The following PPFIA4 variants were observed in gnomAD, a reference collection of about 807,000 sequenced individuals.
The protein encoded by PPFIA4 is PPFI scaffold protein A4.
Under a neutral mutation model 145.7 loss-of-function variants are expected in PPFIA4, and 98 were observed. The ratio of observed to expected loss-of-function variants is 0.67; its 90% CI spans 0.57 to 0.80. The LOEUF (loss-of-function observed/expected upper bound fraction) is 0.80, where lower values mean the gene tolerates loss of function less well. PPFIA4 is among the 30% of genes least tolerant of loss of function. The pLI, the probability that PPFIA4 is intolerant of heterozygous loss-of-function variation, is 0.00. For missense variants in PPFIA4, 1,457 were observed against 1,632.7 expected, an observed-to-expected ratio of 0.89 and a Z score of 1.85; for synonymous variants, 628 against 649.6, an observed-to-expected ratio of 0.97 and a Z score of 0.51.
chr1:203,043,562 T>G lies in PPFIA4; in HGVS notation c.336+64T>G. ...TGTGTGTGTGTGTATGGGGGTGTGT[T>G]GTGAACACCTTGACCAAGAGAGCAG... On this transcript the variant is annotated intron_variant, in intron 3 of 29. Transcript: ENST00000295706. The surrounding 1 kb of genome is among the most constrained non-coding windows in gnomAD (Gnocchi z 4.4). The G allele has an allele frequency of 7.0e-7, 1 of 1,422,850 alleles. No homozygotes were observed. Among genetic ancestry groups the G allele is most frequent in the South Asian group, 1.2e-5 (1 of 81,540 alleles). The allele number at this position is 1,422,850 out of a possible 1,614,324, so 88.1% of individuals were successfully genotyped here.
intron 21 of PPFIA4, 73 bp downstream of exon 21, chr1:203,059,924 T>A: frequency 1.6e-6 from 2 of 1,259,052 alleles, no homozygotes. Context: ...AGGGGTGGTG[T>A]CCTAGAACTT....
chr1:203,060,797 C>G lies in PPFIA4; in HGVS notation c.2785-173C>G, dbSNP rs1411597643. Among the ~76,000 whole-genome samples the G allele has an allele frequency of 1.9e-4, 29 of 152,224 alleles. No homozygotes were observed. The highest frequency in any genetic ancestry group is 1.9e-3 in the Admixed American group (29 of 15,286). ...CTCTAACACAAGAATGCGGACTGCT[C>G]TGTGGGCCCCTGGGGTGGAGTCTTT... On this transcript the variant is annotated intron_variant, in intron 22 of 29. Coordinates refer to ENST00000295706, the MANE Select transcript of PPFIA4 (RefSeq NM_001304331.2). This position sits in a 1 kb window ranked among gnomAD's most constrained non-coding sequence, Gnocchi z 4.8.
intron 25 of PPFIA4, 127 bp downstream of exon 25, chr1:203,064,130 C>T (rs1661578746): frequency 4.0e-6 from 4 of 1,006,002 alleles, no homozygotes; most frequent in Non-Finnish European, 5.6e-6. Context: ...AACAGGTCTC[C>T]CCCTTGGGAA....
Position 203,048,646 on chromosome 1 carries a change from C to T in PPFIA4, c.1288C>T (p.Leu430=). The T allele has an allele frequency of 1.9e-6, 3 of 1,605,874 alleles. No homozygotes were observed. The highest frequency in any genetic ancestry group is 1.7e-6 in the Non-Finnish European group (2 of 1,177,170). Residue 430 remains leucine (L), a synonymous_variant, in exon 11 of 30, where the codon CTG becomes TTG. Coordinates refer to ENST00000295706, the MANE Select transcript of PPFIA4 (RefSeq NM_001304331.2). The surrounding 1 kb of genome is among the most constrained non-coding windows in gnomAD (Gnocchi z 5.8). ...GCGGCTGTCGGACACAGTGGACCGG[C>T]TGCTCAGCGAGTCCAACGAGCGTCT... ...NKRLSDTVDR[L]LSESNERLQL...
At chr1:203,051,742 CTT>C (rs1324582203) in intron 13 of PPFIA4, 25 bp from the exon 14 acceptor site, 1 of 1,591,092 alleles carries the variant, frequency 6.3e-7, no homozygotes, top group Admixed American at 1.8e-5. Context: ...CAGGGCCTGT[CTT>C]TTCTCTCCCC....
rs1659522817 is a variant in PPFIA4, at chr1:203,039,227, C to T, written c.219C>T (p.Asn73=). The change falls in exon 2 of 30, where the codon AAC becomes AAT. Residue 73 remains asparagine, a synonymous_variant. Transcript: ENST00000295706. ...HERDQLQRHL[N]SALPQEFATL... The stretch of plus-strand genomic sequence containing the variant: ...GGGACCAGCTCCAGCGCCACCTTAA[C>T]TCCGCCCTCCCCCAGGTAAGGCCCG... 2.5e-6 allele frequency: 4 copies of T among 1,591,148 alleles called. No homozygotes were observed. Among genetic ancestry groups the T allele is most frequent in the Non-Finnish European group, 3.4e-6 (4 of 1,169,778 alleles).
At chr1:203,067,356 C>T in intron 25 of PPFIA4, 1 of 272,204 alleles carries the variant, frequency 3.7e-6, no homozygotes, top group Non-Finnish European at 7.1e-6. Flanking sequence ...CTTGTTTTTG[C>T]TTTTCCTTCC....
In PPFIA4 at chr1:203,076,698, T is replaced by G; in HGVS notation, c.*308T>G. On this transcript the variant is annotated 3_prime_UTR_variant, in exon 30 of 30. Coordinates refer to ENST00000295706, the MANE Select transcript of PPFIA4 (RefSeq NM_001304331.2). ...GCTCAGGGTGGATGTGAAGCCACCC[T>G]TCCTCTTCTGGACCCAGCCTGGTCT... 2.2e-6 allele frequency: 1 copy of G among 451,022 alleles called. No homozygotes were observed. The highest frequency in any genetic ancestry group is 4.4e-5 in the East Asian group (1 of 22,960). 27.9% of individuals were successfully genotyped at this position (451,022 alleles called of 1,614,324 possible).
At position 203,043,494 on chromosome 1, in the gene PPFIA4, C is replaced by G. The variant is rs780808640; in HGVS notation, c.332C>G (p.Thr111Arg). Residue 111 changes from threonine (T) to arginine (R), a missense_variant, in exon 3 of 30, where the codon ACA (threonine) becomes AGA (arginine). By Grantham distance (71) the Thr-to-Arg change is moderately conservative. This residue lies in a region of PPFIA4 where 463 missense variants were observed against 459.8 expected (regional missense o/e 1.01). Coordinates refer to ENST00000295706, the MANE Select transcript of PPFIA4 (RefSeq NM_001304331.2). The surrounding 1 kb of genome is among the most constrained non-coding windows in gnomAD (Gnocchi z 4.4). ...GAACTGAAAGCAGAACGGAATAACA[C>G]ACGGGTAAGTGGGGATGACCTTGTG... ...ISELKAERNN[T>R]RLLLEHLECL... The G allele has an allele frequency of 1.9e-6, 3 of 1,606,586 alleles. No individual in the cohort carries two copies. The Admixed American group carries it at 5.1e-5, about 27-fold the overall frequency.
Position 203,056,357 on chromosome 1 carries a change from G to A in PPFIA4, c.2107-18G>A. 2 of 1,612,890 alleles carry A rather than the reference G, an allele frequency of 1.2e-6. No individual in the cohort carries two copies. The highest frequency in any genetic ancestry group is 1.7e-6 in the Non-Finnish European group (2 of 1,179,342). On this transcript the variant is annotated intron_variant, in intron 17 of 29. Coordinates refer to ENST00000295706, the MANE Select transcript of PPFIA4 (RefSeq NM_001304331.2). ...AGATCTCTCCCTCTATCCCCTGACGGCTCCACTGTCTGTTCAGTCGCCAGT... is the reference window on the plus strand; with the variant it reads ...AGATCTCTCCCTCTATCCCCTGACGACTCCACTGTCTGTTCAGTCGCCAGT...
In PPFIA4 at chr1:203,039,091, A is replaced by G. The variant is rs1174098890; in HGVS notation, c.83A>G (p.Gln28Arg). The change falls in exon 2 of 30, where the codon CAG (glutamine) becomes CGG (arginine). Residue 28 changes from glutamine (Q) to arginine (R), a missense_variant. Around this residue, in one of 3 missense-constraint regions of PPFIA4, gnomAD observed 463 missense variants for 459.8 expected, o/e 1.01. Coordinates refer to ENST00000295706, the MANE Select transcript of PPFIA4 (RefSeq NM_001304331.2). ...HGADADANFEQLMVNMLDERE... is the reference protein window; with the variant it reads ...HGADADANFERLMVNMLDERE... ...GCCGATGCTGACGCCAACTTCGAGC[A>G]GCTGATGGTGAACATGCTGGACGAG... 6.2e-7 allele frequency: 1 copy of G among 1,607,722 alleles called. No homozygotes were observed. Among genetic ancestry groups the G allele is most frequent in the South Asian group, 1.1e-5 (1 of 90,152 alleles).
At position 203,068,767 on chromosome 1, in the gene PPFIA4, A is replaced by G. The variant is rs765098285; in HGVS notation, c.3324+139A>G. On this transcript the variant is annotated intron_variant, in intron 27 of 29. Coordinates refer to ENST00000295706, the MANE Select transcript of PPFIA4 (RefSeq NM_001304331.2). This position sits in a 1 kb window ranked among gnomAD's most constrained non-coding sequence, Gnocchi z 4.7. ...AGGGCCTATGCCAGAGGGGATCGCA[A>G]TGTCCTCAATTCTCCAAGTGATCGC... The G allele has an allele frequency of 3.0e-5, 26 of 869,042 alleles. No homozygotes were observed. The highest frequency in any genetic ancestry group is 4.8e-5 in the South Asian group (2 of 41,628). 53.8% of individuals were successfully genotyped at this position (869,042 alleles called of 1,614,324 possible). A position where few individuals can be genotyped will look rare whatever the true frequency, so the allele number is the denominator to read the frequency against.
Position 203,068,603 on chromosome 1 carries a change from T to C in PPFIA4, c.3299T>C (p.Leu1100Pro). Reference sequence around the variant, plus strand: ...GACCACAACACACTGGCCCTGATCCTCCAGATCCCCACACAGAACACCCAG... The same window carrying C: ...GACCACAACACACTGGCCCTGATCCCCCAGATCCCCACACAGAACACCCAG... ...NFDHNTLALI[L>P]QIPTQNTQAR... The change falls in exon 27 of 30, where the codon CTC (leucine) becomes CCC (proline). Residue 1100 changes from leucine (L) to proline (P), a missense_variant. Leu to Pro is a moderately conservative substitution (Grantham distance 98, BLOSUM62 -3). This residue lies in a region of PPFIA4 where 848 missense variants were observed against 1,046.7 expected (regional missense o/e 0.81). Transcript: ENST00000295706. This position sits in a 1 kb window ranked among gnomAD's most constrained non-coding sequence, Gnocchi z 4.7. The C allele has an allele frequency of 6.4e-7, 1 of 1,561,982 alleles. No homozygotes were observed. The highest frequency in any genetic ancestry group is 8.6e-7 in the Non-Finnish European group (1 of 1,156,788).
chr1:203,076,373 T>C lies in PPFIA4; in HGVS notation c.3607T>C (p.Ser1203Pro). The C allele has an allele frequency of 6.2e-7, 1 of 1,608,178 alleles. No homozygotes were observed. The highest frequency in any genetic ancestry group is 8.5e-7 in the Non-Finnish European group (1 of 1,179,828). ...CCACTATCTCTACGGACACATGCTC[T>C]CCGCCTTCCGGGACTAGCCATGGCC... ...HSHYLYGHML[S>P]AFRD The change falls in exon 30 of 30, where the codon TCC (serine) becomes CCC (proline). Residue 1203 changes from serine (S) to proline (P), a missense_variant. Physicochemically the swap from Ser to Pro is moderately conservative, Grantham distance 74 (BLOSUM62 -1). Around this residue, in one of 3 missense-constraint regions of PPFIA4, gnomAD observed 146 missense variants for 126.2 expected, o/e 1.16. Transcript: ENST00000295706.
At chr1:203,045,741 C>T in intron 7 of PPFIA4, 100 bp from the exon 8 acceptor site, 1 of 1,565,884 alleles carries the variant, frequency 6.4e-7, no homozygotes, top group Non-Finnish European at 8.7e-7. Flanking sequence ...GCTCATGCCC[C>T]TTAATGGGTT....
chr1:203,040,939 T>C (rs10753932), intron 2 of PPFIA4, among the ~76,000 whole-genome samples: 108,346 of 152,174 alleles, frequency 0.71, 39,585 homozygotes, highest in East Asian at 0.82. Flanking sequence ...TCCCCAGTGA[T>C]CTGCACAGGA....
At chr1:203,045,001 C>T (rs141114917) in intron 6 of PPFIA4, among the ~76,000 whole-genome samples, 155 of 152,264 alleles carry the variant, frequency 1.0e-3, no homozygotes, top group Middle Eastern at 6.8e-3. Flanking sequence ...GCACATCATA[C>T]GCTTGTCTGC....
intron 25 of PPFIA4, chr1:203,067,338 A>C (rs1360841232): frequency 4.0e-6 from 1 of 247,812 alleles, no homozygotes; most frequent in Non-Finnish European, 7.9e-6. Context: ...AGGGATACAA[A>C]GGGGTATCTT....
At chr1:203,047,410 G>A (rs550676334) in intron 9 of PPFIA4, among the ~76,000 whole-genome samples, 4 of 152,340 alleles carry the variant, frequency 2.6e-5, no homozygotes, top group Admixed American at 2.0e-4. Context: ...GGGCTGCTGA[G>A]CAGTCAGCCT....
Sources: gnomAD v4.1 joint callset for allele counts (sites outside exome capture counted in the v4.1 genomes callset) on GRCh38, gnomAD v4.1.1 for gene constraint, gnomAD v4.1.1 regional missense constraint, Gnocchi (gnomAD v3.1) non-coding constraint, MANE v1.5 for transcripts, NCBI Gene and HGNC (gene_info 2026-07-23, HGNC 2026-07-21) for gene names.